RHOJ: variants seen among roughly 807,000 people sequenced by gnomAD.
RHOJ encodes ras homolog family member J.
Under a neutral mutation model 23.4 loss-of-function variants are expected in RHOJ, and 11 were observed. The observed-to-expected ratio is 0.47, with a 90% CI of 0.30 to 0.78. The LOEUF (loss-of-function observed/expected upper bound fraction) is 0.78. Ranked by LOEUF, RHOJ falls within the 30% of genes least tolerant of loss-of-function variation. The pLI is 0.08. For synonymous variants in RHOJ, 102 were observed against 102.7 expected (o/e 0.99, Z 0.04); for missense variants, 254 against 273.4 (o/e 0.93, Z 0.50).
intron 2 of RHOJ, 105 bp from the exon 3 acceptor site, chr14:63,280,866 G>T (rs1205240282): frequency 9.8e-7 from 1 of 1,019,766 alleles, no homozygotes; most frequent in South Asian, 2.3e-5. Flanking sequence ...GGAAGAAACG[G>T]GATCCCAGTG....
chr14:63,290,832 TTC>T, intron 4 of RHOJ, 44 bp from the exon 5 acceptor site: 1 of 1,563,196 alleles, frequency 6.4e-7, no homozygotes, highest in Non-Finnish European at 8.7e-7. Flanking sequence ...CACTGTGCTT[TTC>T]TCTCTTTTTT....
rs1029522752 is a variant in RHOJ at position 63,211,322 on chromosome 14, C to T, written c.178+6275C>T. 2.0e-5 allele frequency among the ~76,000 whole-genome samples: 3 copies of T among 152,262 alleles called. No homozygotes were observed. In the South Asian group the frequency reaches 6.2e-4, roughly 32 times the overall value. ...TTCTCTTTTGCTCTTTCTGAAGACA[C>T]CCGAGAGTCTCTCATATCTGTAATC... On this transcript the variant is annotated intron_variant, in intron 1 of 4. Coordinates refer to ENST00000316754, the MANE Select transcript of RHOJ (RefSeq NM_020663.5).
rs540080755 is a variant in RHOJ at position 63,258,030 on chromosome 14, C to T, written c.179-11080C>T. On this transcript the variant is annotated intron_variant, in intron 1 of 4. Coordinates refer to ENST00000316754, the MANE Select transcript of RHOJ (RefSeq NM_020663.5). ...TCACCTGAGGTCAGGAGTTCAAGAC[C>T]AGCCTAGCCAACATGGTGAAACTCC... Among the ~76,000 whole-genome samples, 3 of 149,564 alleles carry T rather than the reference C, an allele frequency of 2.0e-5. 1 individual carries two copies. The highest frequency in any genetic ancestry group is 7.4e-5 in the African/African-American group (3 of 40,492).
intron 2 of RHOJ, 132 bp from the exon 3 acceptor site, chr14:63,280,839 C>A: frequency 1.3e-6 from 1 of 763,546 alleles, no homozygotes; most frequent in East Asian, 2.8e-5. Context: ...GAAAGAACTA[C>A]CAGATTCCAG....
chr14:63,215,310 A>C (rs982171780), intron 1 of RHOJ, among the ~76,000 whole-genome samples: 2 of 152,186 alleles, frequency 1.3e-5, no homozygotes, highest in Non-Finnish European at 2.9e-5. Context: ...CCAGTTTACA[A>C]TCACTCTTAC....
At chr14:63,216,412 A>G (rs1894357302) in intron 1 of RHOJ, among the ~76,000 whole-genome samples, 1 of 152,258 alleles carries the variant, frequency 6.6e-6, no homozygotes, top group Non-Finnish European at 1.5e-5. Context: ...AATGTTCATA[A>G]AATGTAACTG....
At chr14:63,207,841 T>A (rs181959139) in intron 1 of RHOJ, among the ~76,000 whole-genome samples, 1 of 152,182 alleles carries the variant, frequency 6.6e-6, no homozygotes, top group Non-Finnish European at 1.5e-5. Flanking sequence ...GAGAACAAAG[T>A]GATTAACATA....
At chr14:63,268,568 C>T (rs1012641239) in intron 1 of RHOJ, among the ~76,000 whole-genome samples, 10 of 152,184 alleles carry the variant, frequency 6.6e-5, no homozygotes, top group African/African-American at 2.4e-4. Context: ...AAAATGAACG[C>T]TAAGCCCTTC....
intron 4 of RHOJ, among the ~76,000 whole-genome samples, chr14:63,287,034 C>T (rs193102416): frequency 6.6e-6 from 1 of 152,228 alleles, no homozygotes; most frequent in Non-Finnish European, 1.5e-5. Flanking sequence ...CTAGCCATTT[C>T]TTTAGATACG....
In RHOJ at chr14:63,250,906, G is replaced by C. The variant is rs564448344; in HGVS notation, c.179-18204G>C. ...AAAAATTAGCTGGGCGTGATGGCAG[G>C]TGCCTGTAATCCCAGCTACTTAGGA... On this transcript the variant is annotated intron_variant, in intron 1 of 4. Transcript: ENST00000316754. Among the ~76,000 whole-genome samples, 89 of 152,158 alleles carry C rather than the reference G, an allele frequency of 5.8e-4. No homozygotes were observed. In the East Asian group the frequency reaches 0.013, roughly 22 times the overall value.
In RHOJ at chr14:63,288,227, G is replaced by A. The variant is rs74840464; in HGVS notation, c.499-2651G>A. Reference sequence around the variant, plus strand: ...GAAGAGACAAGCTTGGGCTCCTCCCGCTCCATCGAAAGGCAAAGCCTGACA... The same window carrying A: ...GAAGAGACAAGCTTGGGCTCCTCCCACTCCATCGAAAGGCAAAGCCTGACA... On this transcript the variant is annotated intron_variant, in intron 4 of 4. Coordinates refer to ENST00000316754, the MANE Select transcript of RHOJ (RefSeq NM_020663.5). 13 of 985,378 alleles carry A rather than the reference G, an allele frequency of 1.3e-5. No homozygotes were observed. In the East Asian group the frequency reaches 1.1e-3, roughly 86 times the overall value. 61.0% of individuals were successfully genotyped at this position (985,378 alleles called of 1,614,324 possible).
intron 1 of RHOJ, among the ~76,000 whole-genome samples, chr14:63,234,369 T>C (rs148800920): frequency 5.9e-5 from 9 of 152,344 alleles, no homozygotes; most frequent in Non-Finnish European, 1.2e-4. Flanking sequence ...TATCATGTTC[T>C]GTTGTTCATC....
At chr14:63,222,402 T>C (rs1894514133) in intron 1 of RHOJ, among the ~76,000 whole-genome samples, 2 of 152,188 alleles carry the variant, frequency 1.3e-5, no homozygotes, top group African/African-American at 2.4e-5. Flanking sequence ...ATCGCCACAC[T>C]GTCTTCCACA....
intron 1 of RHOJ, among the ~76,000 whole-genome samples, chr14:63,222,696 T>C (rs1050290341): frequency 1.3e-5 from 2 of 152,198 alleles, no homozygotes; most frequent in Non-Finnish European, 2.9e-5. Flanking sequence ...TGTAAATTTG[T>C]TTGAGTTCTT....
intron 4 of RHOJ, among the ~76,000 whole-genome samples, chr14:63,289,008 T>A (rs1882168135): frequency 6.6e-6 from 1 of 152,180 alleles, no homozygotes; most frequent in South Asian, 2.1e-4. Flanking sequence ...ACCCAGATTC[T>A]GGGTCTATTT....
chr14:63,240,291 C>T (rs10138990), intron 1 of RHOJ, among the ~76,000 whole-genome samples: 5,617 of 152,190 alleles, frequency 0.037, 205 homozygotes, highest in African/African-American at 0.092. Flanking sequence ...AAAATCTCAT[C>T]CTTTTCAAAG....
chr14:63,209,117 T>C (rs903004675), intron 1 of RHOJ, among the ~76,000 whole-genome samples: 11 of 152,138 alleles, frequency 7.2e-5, no homozygotes, highest in Non-Finnish European at 1.6e-4. Context: ...TGATCACTTA[T>C]CACCGTCTTC....
At chr14:63,209,271 C>T (rs1230557104) in intron 1 of RHOJ, among the ~76,000 whole-genome samples, 1 of 152,148 alleles carries the variant, frequency 6.6e-6, no homozygotes, top group Non-Finnish European at 1.5e-5. Context: ...CCAACTTCTC[C>T]AATCACTTCC....
chr14:63,218,313 C>A (rs1161625486), intron 1 of RHOJ, among the ~76,000 whole-genome samples: 1 of 151,990 alleles, frequency 6.6e-6, no homozygotes, highest in Non-Finnish European at 1.5e-5. Flanking sequence ...TTTTATGGAC[C>A]CAAAAATCTG....
Sources: allele counts gnomAD v4.1 joint callset (sites outside exome capture counted in the v4.1 genomes callset), GRCh38; gene constraint gnomAD v4.1.1; transcripts MANE v1.5; gene names NCBI Gene and HGNC (gene_info 2026-07-23, HGNC 2026-07-21).